The following KCNQ2 variants were observed in gnomAD, a reference collection of about 807,000 sequenced individuals.
KCNQ2 encodes the protein potassium voltage-gated channel subfamily KQT member 2.
A neutral mutation model predicts 84.8 loss-of-function variants in KCNQ2; 14 were observed. That is an observed-to-expected ratio of 0.17 (90% CI 0.11 to 0.26). The LOEUF (loss-of-function observed/expected upper bound fraction) is 0.26. Ranked by LOEUF, KCNQ2 falls within the 10% of genes least tolerant of loss-of-function variation. The pLI, the probability that KCNQ2 is intolerant of heterozygous loss-of-function variation, is 1.00. For synonymous variants in KCNQ2, 599 were observed against 554.1 expected (o/e 1.08, Z -1.14); for missense variants, 788 against 1,254.0 (o/e 0.63, Z 5.61).
intron 12 of KCNQ2, among the ~76,000 whole-genome samples, chr20:63,417,426 T>C (rs976381038): frequency 6.6e-6 from 1 of 152,210 alleles, no homozygotes; most frequent in Non-Finnish European, 1.5e-5. Flanking sequence ...GCAGGTCCAG[T>C]CACCAGAGAG....
At chr20:63,434,951 G>A (rs1288616365) in intron 7 of KCNQ2, among the ~76,000 whole-genome samples, 1 of 152,216 alleles carries the variant, frequency 6.6e-6, no homozygotes, top group African/African-American at 2.4e-5. Context: ...TCTATACCTA[G>A]AGGTAGAATG....
intron 12 of KCNQ2, among the ~76,000 whole-genome samples, chr20:63,416,194 G>A (rs937692840): frequency 1.3e-5 from 2 of 152,124 alleles, no homozygotes; most frequent in African/African-American, 4.8e-5. Flanking sequence ...CCACAGCGCT[G>A]TGGCCCGGCC....
At chr20:63,415,235 G>A in intron 12 of KCNQ2, 109 bp from the exon 13 acceptor site, 1 of 1,015,444 alleles carries the variant, frequency 9.8e-7, no homozygotes, top group South Asian at 1.4e-5. Context: ...GCGCCGGAGG[G>A]AGACACAGGT....
chr20:63,421,361 A>G (rs1391656624), intron 11 of KCNQ2, among the ~76,000 whole-genome samples: 2 of 152,322 alleles, frequency 1.3e-5, no homozygotes, highest in South Asian at 2.1e-4. Context: ...CAGCTCCTGT[A>G]TGGGGCAACG....
At chr20:63,426,701 G>C (rs748080346) in intron 10 of KCNQ2, among the ~76,000 whole-genome samples, 2 of 152,082 alleles carry the variant, frequency 1.3e-5, no homozygotes, top group African/African-American at 2.4e-5. Context: ...GCACAGCCCA[G>C]TGGAGTCTCT....
intron 11 of KCNQ2, 56 bp from the exon 12 acceptor site, chr20:63,419,728 G>A: frequency 1.3e-6 from 2 of 1,518,378 alleles, no homozygotes; most frequent in Non-Finnish European, 1.8e-6. Context: ...ACACGGCCGG[G>A]AGCAGGGAAA....
intron 9 of KCNQ2, 83 bp from the exon 10 acceptor site, chr20:63,428,518 G>C (rs1051568761): frequency 8.4e-6 from 10 of 1,193,574 alleles, no homozygotes; most frequent in Non-Finnish European, 1.2e-5. Context: ...CAGCTCCATG[G>C]GCAGGCGCCT....
chr20:63,424,263 C>T, intron 10 of KCNQ2, 57 bp from the exon 11 acceptor site: 1 of 1,542,466 alleles, frequency 6.5e-7, no homozygotes, highest in Non-Finnish European at 8.8e-7. Flanking sequence ...CATGAGGGTC[C>T]CCCAACCAGT....
At chr20:63,457,171 G>A (rs938061962) in intron 1 of KCNQ2, among the ~76,000 whole-genome samples, 10 of 152,248 alleles carry the variant, frequency 6.6e-5, no homozygotes, top group East Asian at 1.9e-4. Context: ...GCAGACCGCC[G>A]GGGCTGGAGG....
At chr20:63,428,783 C>A (rs1404870830) in intron 9 of KCNQ2, among the ~76,000 whole-genome samples, 1 of 152,174 alleles carries the variant, frequency 6.6e-6, no homozygotes, top group Non-Finnish European at 1.5e-5. Context: ...GCTACTCCCC[C>A]TTCTAATCCC....
chr20:63,435,392 ACAAC>A (rs758686716), intron 7 of KCNQ2, among the ~76,000 whole-genome samples: 5 of 137,660 alleles, frequency 3.6e-5, no homozygotes, highest in South Asian at 2.5e-4. Flanking sequence ...TATCTCAACA[ACAAC>A]AAAAAAAAAA....
intron 1 of KCNQ2, chr20:63,463,534 G>C (rs560788477): frequency 6.6e-6 from 1 of 152,344 alleles, no homozygotes; most frequent in African/African-American, 2.4e-5. Flanking sequence ...CCGCACACAG[G>C]GGCAGAAACA....
intron 9 of KCNQ2, among the ~76,000 whole-genome samples, chr20:63,431,068 C>T (rs768739405): frequency 2.7e-4 from 41 of 152,088 alleles, no homozygotes; most frequent in Non-Finnish European, 8.8e-5. Context: ...CAGGAAGCAG[C>T]GGCTGGGGGG....
At position 63,460,220 on chromosome 20, in the gene KCNQ2, C is replaced by G. The variant is rs2145862385; in HGVS notation, c.296+11948G>C. 6.6e-6 allele frequency among the ~76,000 whole-genome samples: 1 copy of G among 152,312 alleles called. No homozygotes were observed. Among genetic ancestry groups the G allele is most frequent in the South Asian group, 2.1e-4 (1 of 4,828 alleles). ...GGCTCCTGACCCTGCAGGTCCCTCC[C>G]TGGCCTTACCCAAGCCCTTAGCAGC... On this transcript the variant is annotated intron_variant, in intron 1 of 16. Transcript: ENST00000359125. This position sits in a 1 kb window ranked among gnomAD's most constrained non-coding sequence, Gnocchi z 5.4.
rs996422888 is a variant in KCNQ2 at position 63,403,236 on chromosome 20, G to C, written c.*3408C>G. The C allele has an allele frequency of 6.6e-6, 1 of 152,250 alleles. No homozygotes were observed. The highest frequency in any genetic ancestry group is 1.5e-5 in the Non-Finnish European group (1 of 68,082). The allele number at this position is 152,250 out of a possible 1,614,324, so 9.4% of individuals were successfully genotyped here. On this transcript the variant is annotated 3_prime_UTR_variant, in exon 17 of 17. Coordinates refer to ENST00000359125, the MANE Select transcript of KCNQ2 (RefSeq NM_172107.4). ...CTGCGGACCAGGAGCCCGGACAGTC[G>C]GATACCCCACGACGGCGCTTGACAT...
intron 9 of KCNQ2, 104 bp downstream of exon 9, chr20:63,431,236 A>C (rs1170276247): frequency 7.7e-7 from 1 of 1,305,302 alleles, no homozygotes; most frequent in Admixed American, 1.7e-5. Flanking sequence ...GTCACTCTGC[A>C]GACCGGGTGG....
Position 63,460,415 on chromosome 20 carries a change from T to G in KCNQ2, c.296+11753A>C, listed in dbSNP as rs888827837. Among the ~76,000 whole-genome samples, 4 of 151,922 alleles carry G rather than the reference T, an allele frequency of 2.6e-5. No homozygotes were observed. Among genetic ancestry groups the G allele is most frequent in the Non-Finnish European group, 5.9e-5 (4 of 67,954 alleles). ...TCAGGTGCTGAGGGCACCCCAACAG[T>G]GGCACTCCTGACCGAGGCTCCCAGC... On this transcript the variant is annotated intron_variant, in intron 1 of 16. Coordinates refer to ENST00000359125, the MANE Select transcript of KCNQ2 (RefSeq NM_172107.4). This position sits in a 1 kb window ranked among gnomAD's most constrained non-coding sequence, Gnocchi z 5.4.
Position 63,462,404 on chromosome 20 carries a change from C to T in KCNQ2, c.296+9764G>A, listed in dbSNP as rs145131725. ...CCCAGGCAGCAGGGAGGAAAATGCA[C>T]CTACCCCAGGGAGCAGGGAGGAGGT... On this transcript the variant is annotated intron_variant, in intron 1 of 16. Coordinates refer to ENST00000359125, the MANE Select transcript of KCNQ2 (RefSeq NM_172107.4). Among the ~76,000 whole-genome samples the T allele has an allele frequency of 4.7e-5, 7 of 149,588 alleles. No homozygotes were observed. In the East Asian group the frequency reaches 1.4e-3, roughly 30 times the overall value.
chr20:63,442,830 T>TCAC lies in KCNQ2; in HGVS notation c.691-302_691-300dup, dbSNP rs747940691. Among the ~76,000 whole-genome samples, 3,286 of 20,114 alleles carry TCAC rather than the reference T, an allele frequency of 0.16. 57 individuals are homozygous for TCAC. The highest frequency in any genetic ancestry group is 0.19 in the Non-Finnish European group (2,052 of 10,846). The allele number at this position is 20,114 out of a possible 152,430, so 13.2% of individuals were successfully genotyped here. On this transcript the variant is annotated intron_variant, in intron 4 of 16. Coordinates refer to ENST00000359125, the MANE Select transcript of KCNQ2 (RefSeq NM_172107.4). The stretch of plus-strand genomic sequence containing the variant: ...ATTACCACCACCATCACCATCACCA[T>TCAC]CACCACCACCACCATCACCATCACC...
Sources: gnomAD v4.1 joint callset for allele counts (sites outside exome capture counted in the v4.1 genomes callset) on GRCh38, gnomAD v4.1.1 for gene constraint, Gnocchi (gnomAD v3.1) non-coding constraint, MANE v1.5 for transcripts, NCBI Gene and HGNC (gene_info 2026-07-23, HGNC 2026-07-21) for gene names.